Variants in WWC1 observed in about 807,000 individuals in gnomAD.
WWC1 encodes the protein protein KIBRA.
A neutral mutation model predicts 138.4 loss-of-function variants in WWC1; 55 were observed. The observed-to-expected ratio is 0.40, with a 90% CI of 0.32 to 0.50. The LOEUF is 0.50. WWC1 is among the 20% of genes least tolerant of loss of function. WWC1 has a pLI of 0.72. For synonymous variants in WWC1, 524 were observed against 564.9 expected (o/e 0.93, Z 1.03); for missense variants, 1,226 against 1,420.4 (o/e 0.86, Z 2.20).
intron 1 of WWC1, among the ~76,000 whole-genome samples, chr5:168,326,509 G>A (rs2152762964): frequency 6.6e-6 from 1 of 152,036 alleles, no homozygotes; most frequent in East Asian, 1.9e-4. Flanking sequence ...GAGCCACCGT[G>A]CCCGGCCCCG....
At chr5:168,298,117 C>A (rs1769723280) in intron 1 of WWC1, among the ~76,000 whole-genome samples, 1 of 152,038 alleles carries the variant, frequency 6.6e-6, no homozygotes, top group Non-Finnish European at 1.5e-5. Flanking sequence ...CAGCTCATTG[C>A]AACCTCTACT....
intron 1 of WWC1, among the ~76,000 whole-genome samples, chr5:168,369,183 A>T (rs529275186): frequency 3.0e-4 from 46 of 152,316 alleles, no homozygotes; most frequent in African/African-American, 1.0e-3. Flanking sequence ...GGAGGTAAGG[A>T]TAACTAATGA....
chr5:168,367,863 T>TA (rs962118740), intron 1 of WWC1, among the ~76,000 whole-genome samples: 21 of 150,578 alleles, frequency 1.4e-4, no homozygotes, highest in South Asian at 2.1e-4. Context: ...AATAAATTAA[T>TA]AAAAAAAAAG....
intron 2 of WWC1, among the ~76,000 whole-genome samples, chr5:168,379,707 C>A (rs933919644): frequency 3.9e-5 from 6 of 152,174 alleles, no homozygotes; most frequent in Non-Finnish European, 7.3e-5. Flanking sequence ...GCCAACACAG[C>A]TCTTTAGAAC....
chr5:168,315,721 C>T (rs528492852), intron 1 of WWC1, among the ~76,000 whole-genome samples: 15 of 152,040 alleles, frequency 9.9e-5, no homozygotes, highest in African/African-American at 1.9e-4. Flanking sequence ...GGGTGCTGAG[C>T]GGCAACGGAA....
In WWC1 at chr5:168,337,597, C is replaced by T. The variant is rs1420413663; in HGVS notation, c.120-33827C>T. ...CCTGAAAGATATGTTAAGCATCCAT[C>T]AGGCAGGCCTGGTGATGAACAAGAG... On this transcript the variant is annotated intron_variant, in intron 1 of 22. Transcript: ENST00000265293. 3.3e-5 allele frequency among the ~76,000 whole-genome samples: 5 copies of T among 152,246 alleles called. 1 individual carries two copies. The South Asian group carries it at 6.2e-4, about 19-fold the overall frequency.
intron 19 of WWC1, among the ~76,000 whole-genome samples, chr5:168,459,254 CAAAA>C (rs34453947): frequency 2.1e-5 from 2 of 94,822 alleles, no homozygotes; most frequent in Non-Finnish European, 4.0e-5. Flanking sequence ...AACCCTGTCT[CAAAA>C]AAAAAAAAAA....
At chr5:168,453,671 G>A (rs188464735) in intron 17 of WWC1, among the ~76,000 whole-genome samples, 49 of 152,044 alleles carry the variant, frequency 3.2e-4, no homozygotes, top group Admixed American at 1.8e-3. Context: ...TCAGCCTCCC[G>A]AGTAGCTGGG....
At chr5:168,339,294 G>GCCAC (rs1773773809) in intron 1 of WWC1, among the ~76,000 whole-genome samples, 1 of 152,160 alleles carries the variant, frequency 6.6e-6, no homozygotes. Context: ...ATGAGGGTGG[G>GCCAC]GTTCTGGGAC....
chr5:168,416,926 G>C (rs1341420555), intron 9 of WWC1, among the ~76,000 whole-genome samples: 1 of 152,064 alleles, frequency 6.6e-6, no homozygotes, highest in African/African-American at 2.4e-5. Flanking sequence ...GGAGTGCAGT[G>C]GCACGATCTC....
chr5:168,362,124 C>T (rs1775924656), intron 1 of WWC1, among the ~76,000 whole-genome samples: 1 of 149,142 alleles, frequency 6.7e-6, no homozygotes, highest in East Asian at 2.0e-4. Flanking sequence ...GAATCACTCA[C>T]ATTTATCAAG....
chr5:168,455,540 T>G lies in WWC1; in HGVS notation c.2823+20T>G, dbSNP rs369314799. 6.2e-7 allele frequency: 1 copy of G among 1,608,554 alleles called. No individual in the cohort carries two copies. Among genetic ancestry groups the G allele is most frequent in the Non-Finnish European group, 8.5e-7 (1 of 1,177,662 alleles). On this transcript the variant is annotated intron_variant, in intron 19 of 22. Transcript: ENST00000265293. ...TGCCGGGTAAGTGAGCGTGCGGCCC[T>G]CTTCTGCTCCCCTCAGGGTAGCCGA...
chr5:168,410,073 CT>C (rs1317755449), intron 8 of WWC1, 78 bp downstream of exon 8: 132 of 1,357,838 alleles, frequency 9.7e-5, no homozygotes, highest in Middle Eastern at 1.8e-4. Context: ...CTGTGCTTAG[CT>C]TTTCACACAC....
intron 17 of WWC1, among the ~76,000 whole-genome samples, chr5:168,453,691 G>A (rs1347047388): frequency 6.6e-6 from 1 of 152,086 alleles, no homozygotes; most frequent in African/African-American, 2.4e-5. Flanking sequence ...GACTACAGGT[G>A]TGCACCACCA....
Position 168,445,602 on chromosome 5 carries a change from G to A in WWC1, c.2525+1017G>A, listed in dbSNP as rs1755176932. On this transcript the variant is annotated intron_variant, in intron 17 of 22. Coordinates refer to ENST00000265293, the MANE Select transcript of WWC1 (RefSeq NM_015238.3). ...TGTAATCACAGCTACTTAGGAGGCTGAGGTGGGGACAATTGCTTGAACCCA... is the reference window on the plus strand; with the variant it reads ...TGTAATCACAGCTACTTAGGAGGCTAAGGTGGGGACAATTGCTTGAACCCA... Among the ~76,000 whole-genome samples the A allele has an allele frequency of 2.0e-5, 3 of 149,880 alleles. No individual in the cohort carries two copies. The South Asian group carries it at 6.3e-4, about 32-fold the overall frequency.
intron 3 of WWC1, among the ~76,000 whole-genome samples, chr5:168,394,526 G>T (rs1778745069): frequency 6.6e-6 from 1 of 152,124 alleles, no homozygotes. Context: ...AGGAGTTTGA[G>T]ACCAGCCTGG....
At chr5:168,414,692 T>A (rs1780471649) in intron 9 of WWC1, 102 bp downstream of exon 9, 3 of 1,424,190 alleles carry the variant, frequency 2.1e-6, no homozygotes, top group Non-Finnish European at 2.8e-6. Context: ...GCCCCTGGGC[T>A]CCACCCTGAG....
chr5:168,296,251 C>G (rs13159035), intron 1 of WWC1, among the ~76,000 whole-genome samples: 1 of 152,090 alleles, frequency 6.6e-6, no homozygotes, highest in Admixed American at 6.6e-5. Context: ...ATAGGAACCA[C>G]CTGGGAATTC....
intron 17 of WWC1, among the ~76,000 whole-genome samples, chr5:168,451,053 T>C (rs1473270414): frequency 6.6e-6 from 1 of 152,148 alleles, no homozygotes; most frequent in African/African-American, 2.4e-5. Flanking sequence ...TTTGCTCTTG[T>C]TGCCCAGGCT....
Sources: gnomAD v4.1 joint callset for allele counts (sites outside exome capture counted in the v4.1 genomes callset) on GRCh38, gnomAD v4.1.1 for gene constraint, MANE v1.5 for transcripts, NCBI Gene and HGNC (gene_info 2026-07-23, HGNC 2026-07-21) for gene names.